Variants in C1orf159 observed in about 807,000 individuals in gnomAD.
C1orf159 encodes the protein uncharacterized protein C1orf159.
C1orf159 carries 19 observed loss-of-function variants against 25.6 expected under a neutral mutation model. That is an observed-to-expected ratio of 0.74 (90% CI 0.52 to 1.09). The LOEUF is 1.09. Among genes scored for constraint, C1orf159 ranks in the 50% least tolerant of loss-of-function variants. The pLI, the probability that C1orf159 is intolerant of heterozygous loss-of-function variation, is 0.00. For synonymous variants in C1orf159, 139 were observed against 124.7 expected, an observed-to-expected ratio of 1.12 and a Z score of -0.77; for missense variants, 274 against 290.6, an observed-to-expected ratio of 0.94 and a Z score of 0.42.
At chr1:1,113,800 A>G (rs1250724560) in intron 1 of C1orf159, among the ~76,000 whole-genome samples, 1 of 152,056 alleles carries the variant, frequency 6.6e-6, no homozygotes, top group Non-Finnish European at 1.5e-5. Context: ...CCGGGGTGTT[A>G]CGTCTCCCGA....
intron 1 of C1orf159, among the ~76,000 whole-genome samples, chr1:1,113,984 T>C (rs555292391): frequency 6.9e-6 from 1 of 144,454 alleles, no homozygotes; most frequent in Admixed American, 7.1e-5. Context: ...TGGCGCAATC[T>C]CGGCTCACTG....
chr1:1,085,936 C>A lies in C1orf159; in HGVS notation c.387G>T (p.Gly129=). 6.2e-7 allele frequency: 1 copy of A among 1,613,496 alleles called. No individual in the cohort carries two copies. The highest frequency in any genetic ancestry group is 1.3e-5 in the African/African-American group (1 of 75,054). ...ISSGLILSVA[G]FFYLKRSSKL... is the part of the protein sequence containing the mutation. ...TACTGGAGCGCTTGAGGTAGAAGAA[C>A]CCAGCTACGGAGAGGATGAGGCCGG... Residue 129 remains glycine, a synonymous_variant, in exon 7 of 10, where the codon GGG becomes GGT. Coordinates refer to ENST00000421241, the MANE Select transcript of C1orf159 (RefSeq NM_017891.5).
In C1orf159 at chr1:1,082,725, C is replaced by A; in HGVS notation, c.*168G>T. The A allele has an allele frequency of 1.6e-6, 1 of 643,334 alleles. No homozygotes were observed. Among genetic ancestry groups the A allele is most frequent in the Non-Finnish European group, 2.8e-6 (1 of 359,788 alleles). The allele number at this position is 643,334 out of a possible 1,614,324, so 39.9% of individuals were successfully genotyped here. On this transcript the variant is annotated 3_prime_UTR_variant, in exon 10 of 10. Coordinates refer to ENST00000421241, the MANE Select transcript of C1orf159 (RefSeq NM_017891.5). ...TGGTGGGGAGGAGCCTCAGGCGGCCCGGGACCCTTTGGCGTCCGTCGCTGG... is the reference window on the plus strand; with the variant it reads ...TGGTGGGGAGGAGCCTCAGGCGGCCAGGGACCCTTTGGCGTCCGTCGCTGG...
intron 1 of C1orf159, among the ~76,000 whole-genome samples, chr1:1,094,117 G>A (rs1645978634): frequency 1.3e-5 from 2 of 151,762 alleles, no homozygotes; most frequent in African/African-American, 4.8e-5. Context: ...GGGGTGGGGG[G>A]CATAGGGTTT....
intron 6 of C1orf159, among the ~76,000 whole-genome samples, chr1:1,086,824 G>A (rs1645837669): frequency 6.6e-6 from 1 of 152,052 alleles, no homozygotes. Flanking sequence ...AGCGTGCGGT[G>A]TGGCCGTGAG....
rs538063876 is a variant in C1orf159 at position 1,082,605 on chromosome 1, G to A, written c.*288C>T. 5 of 456,086 alleles carry A rather than the reference G, an allele frequency of 1.1e-5. No homozygotes were observed. The highest frequency in any genetic ancestry group is 4.4e-5 in the South Asian group (2 of 45,030). The allele number at this position is 456,086 out of a possible 1,614,324, so 28.3% of individuals were successfully genotyped here. A position where few individuals can be genotyped will look rare whatever the true frequency, so the allele number is the denominator to read the frequency against. On this transcript the variant is annotated 3_prime_UTR_variant, in exon 10 of 10. Transcript: ENST00000421241. ...TGGCTGCAGGCGCTGGGGCCTCACC[G>A]TGTTTCCTGGGGGGGCCCGGACCCC... is the stretch of plus-strand genomic sequence containing the variant.
chr1:1,086,293 C>G (rs1645829789), intron 6 of C1orf159, among the ~76,000 whole-genome samples: 1 of 152,250 alleles, frequency 6.6e-6, no homozygotes, highest in Non-Finnish European at 1.5e-5. Flanking sequence ...AGGGGCTGAC[C>G]CTGGCCGGGC....
chr1:1,101,488 AT>A (rs1049668648), intron 1 of C1orf159, among the ~76,000 whole-genome samples: 1 of 134,312 alleles, frequency 7.4e-6, no homozygotes, highest in Non-Finnish European at 1.6e-5. Flanking sequence ...ATAAAAAAAA[AT>A]TTTTTTTTAA....
intron 1 of C1orf159, among the ~76,000 whole-genome samples, chr1:1,114,129 C>A (rs145137238): frequency 3.3e-5 from 5 of 152,154 alleles, no homozygotes; most frequent in Admixed American, 2.0e-4. Flanking sequence ...ATTCGCCAGG[C>A]TGATCTCAAA....
rs1645883140 is a variant in C1orf159, at chr1:1,089,058, G to A, written c.148+1295C>T. On this transcript the variant is annotated intron_variant, in intron 4 of 9. Coordinates refer to ENST00000421241, the MANE Select transcript of C1orf159 (RefSeq NM_017891.5). The surrounding 1 kb of genome is among the most constrained non-coding windows in gnomAD (Gnocchi z 7.5). ...CGGCAGGGAGCCAAACACCAGCGCA[G>A]CACTGTCCCCAGAAGTGCCCGCTGC... is the stretch of plus-strand genomic sequence containing the variant. Among the ~76,000 whole-genome samples the A allele has an allele frequency of 6.6e-6, 1 of 152,204 alleles. No homozygotes were observed. The highest frequency in any genetic ancestry group is 6.5e-5 in the Admixed American group (1 of 15,290).
chr1:1,104,113 G>A (rs541224880), intron 1 of C1orf159, among the ~76,000 whole-genome samples: 37 of 152,106 alleles, frequency 2.4e-4, no homozygotes, highest in African/African-American at 8.4e-4. Context: ...TCGGCCTCAC[G>A]AGTAGCTGGG....
intron 1 of C1orf159, among the ~76,000 whole-genome samples, chr1:1,114,618 T>A (rs1646308773): frequency 6.6e-6 from 1 of 152,170 alleles, no homozygotes; most frequent in Non-Finnish European, 1.5e-5. Flanking sequence ...GCGGGATGTG[T>A]GTCAGGAAAA....
intron 1 of C1orf159, among the ~76,000 whole-genome samples, chr1:1,093,237 C>G (rs1422376213): frequency 6.6e-6 from 1 of 152,212 alleles, no homozygotes; most frequent in Non-Finnish European, 1.5e-5. Flanking sequence ...CTCCAGACAT[C>G]ACAGACCCTT....
At position 1,082,764 on chromosome 1, in the gene C1orf159, T is replaced by C. The variant is rs9442395; in HGVS notation, c.*129A>G. The C allele has an allele frequency of 0.56, 472,335 of 844,340 alleles. 136,287 individuals are homozygous for C. Among genetic ancestry groups the C allele is most frequent in the East Asian group, 0.8 (29,749 of 37,022 alleles). The allele number at this position is 844,340 out of a possible 1,614,324, so 52.3% of individuals were successfully genotyped here. A position where few individuals can be genotyped will look rare whatever the true frequency, so the allele number is the denominator to read the frequency against. On this transcript the variant is annotated 3_prime_UTR_variant, in exon 10 of 10. Transcript: ENST00000421241. Reference sequence around the variant, plus strand: ...GTCCGTCGCTGGGAGGCGGAGGGACTCAGAGCCGAGGCTGTGCCCAGGACT... The same window carrying C: ...GTCCGTCGCTGGGAGGCGGAGGGACCCAGAGCCGAGGCTGTGCCCAGGACT...
At chr1:1,109,874 A>C (rs1009707928) in intron 1 of C1orf159, among the ~76,000 whole-genome samples, 2 of 152,160 alleles carry the variant, frequency 1.3e-5, no homozygotes, top group African/African-American at 4.8e-5. Context: ...TCCTCCATAG[A>C]CCAGCAGAAC....
At chr1:1,083,652 T>G in intron 9 of C1orf159, 1 of 534,972 alleles carries the variant, frequency 1.9e-6, no homozygotes, top group Non-Finnish European at 3.3e-6. Flanking sequence ...AAAGGTCTGC[T>G]GTTGAAGCTG....
intron 1 of C1orf159, among the ~76,000 whole-genome samples, chr1:1,095,207 G>A (rs1645994044): frequency 1.3e-5 from 2 of 152,216 alleles, no homozygotes; most frequent in Non-Finnish European, 2.9e-5. Flanking sequence ...CAGGTCACAT[G>A]TGTTTCCATT....
intron 3 of C1orf159, chr1:1,091,270 G>A: frequency 1.5e-6 from 1 of 668,522 alleles, no homozygotes; most frequent in Non-Finnish European, 2.6e-6. Context: ...TCCTGAGCAG[G>A]CGCTCACCCA....
intron 4 of C1orf159, 65 bp downstream of exon 4, chr1:1,090,288 C>T: frequency 1.3e-6 from 2 of 1,486,622 alleles, no homozygotes; most frequent in Non-Finnish European, 9.2e-7. Context: ...GGGGAGGGCC[C>T]TGGGCACACA....
Sources: gnomAD v4.1 joint callset for allele counts (sites outside exome capture counted in the v4.1 genomes callset) on GRCh38, gnomAD v4.1.1 for gene constraint, Gnocchi (gnomAD v3.1) non-coding constraint, MANE v1.5 for transcripts, NCBI Gene and HGNC (gene_info 2026-07-23, HGNC 2026-07-21) for gene names.